Variants in FGF1 observed in about 807,000 individuals in gnomAD.
FGF1 encodes fibroblast growth factor 1.
A neutral mutation model predicts 13.4 loss-of-function variants in FGF1; 9 were observed. The observed-to-expected ratio is 0.67, with a 90% CI of 0.40 to 1.17. FGF1 has a LOEUF of 1.17. Ranked by LOEUF, FGF1 falls within the 50% of genes most tolerant of loss-of-function variation. The pLI is 0.01. For missense variants in FGF1, 156 were observed against 192.7 expected, an observed-to-expected ratio of 0.81 and a Z score of 1.13; for synonymous variants, 93 against 79.0, an observed-to-expected ratio of 1.18 and a Z score of -0.94.
chr5:142,660,930 GC>G (rs1769106627), intron 1 of FGF1, among the ~76,000 whole-genome samples: 1 of 152,252 alleles, frequency 6.6e-6, no homozygotes, highest in East Asian at 1.9e-4. Flanking sequence ...CTGGCTCCAG[GC>G]AACAGGACTC....
intron 1 of FGF1, among the ~76,000 whole-genome samples, chr5:142,660,777 A>G (rs1403593233): frequency 6.6e-6 from 1 of 152,110 alleles, no homozygotes; most frequent in South Asian, 2.1e-4. Flanking sequence ...ATCCCCTACC[A>G]TGGTAAAAGA....
At chr5:142,663,249 G>GAC (rs1769620021) in intron 1 of FGF1, among the ~76,000 whole-genome samples, 1 of 138,656 alleles carries the variant, frequency 7.2e-6, no homozygotes, top group African/African-American at 2.5e-5. Context: ...AATCAGGAAA[G>GAC]AAAAAAAAAA....
At chr5:142,616,668 C>T (rs1295809457) in intron 1 of FGF1, among the ~76,000 whole-genome samples, 4 of 152,100 alleles carry the variant, frequency 2.6e-5, no homozygotes, top group African/African-American at 9.7e-5. Context: ...CTTCCTGTCT[C>T]TCCACTCACT....
chr5:142,615,220 C>T (rs1759968868), intron 1 of FGF1, among the ~76,000 whole-genome samples: 1 of 151,556 alleles, frequency 6.6e-6, no homozygotes, highest in Non-Finnish European at 1.5e-5. Flanking sequence ...GTGTGAACTG[C>T]ACTTTTTTTT....
At chr5:142,645,045 G>A (rs1160808894) in intron 1 of FGF1, among the ~76,000 whole-genome samples, 1 of 151,988 alleles carries the variant, frequency 6.6e-6, no homozygotes, top group African/African-American at 2.4e-5. Flanking sequence ...GTGCATTGTG[G>A]GCAGCGTCTT....
At chr5:142,647,597 C>G (rs1434219895) in intron 1 of FGF1, among the ~76,000 whole-genome samples, 1 of 152,120 alleles carries the variant, frequency 6.6e-6, no homozygotes, top group Admixed American at 6.5e-5. Flanking sequence ...AGATGGGACC[C>G]AAATCTAAAT....
upstream of FGF1, among the ~76,000 whole-genome samples, chr5:142,687,407 T>C (rs1337702854): frequency 6.6e-6 from 1 of 152,156 alleles, no homozygotes; most frequent in African/African-American, 2.4e-5. Context: ...GGCTCAATCA[T>C]CACAGAACTC....
At chr5:142,687,665 T>G (rs1751472275), upstream of FGF1, among the ~76,000 whole-genome samples, 2 of 152,246 alleles carry the variant, frequency 1.3e-5, no homozygotes, top group South Asian at 4.1e-4. Flanking sequence ...ATGCTAGATG[T>G]AGTATGCATG....
intron 1 of FGF1, among the ~76,000 whole-genome samples, chr5:142,647,399 G>A (rs34918007): frequency 0.24 from 36,167 of 152,012 alleles, 4,858 homozygotes; most frequent in African/African-American, 0.36. Flanking sequence ...CCCTTCTGTT[G>A]AGCTGCTATA....
At chr5:142,686,473 A>G (rs1234734566), upstream of FGF1, 1 of 152,140 alleles carries the variant, frequency 6.6e-6, no homozygotes, top group Non-Finnish European at 1.5e-5. Flanking sequence ...CTTGGGGCAA[A>G]TGTGTGAGCC....
chr5:142,644,729 C>T (rs1339370243), intron 1 of FGF1, among the ~76,000 whole-genome samples: 1 of 152,174 alleles, frequency 6.6e-6, no homozygotes, highest in Non-Finnish European at 1.5e-5. Context: ...ATCCCCACAC[C>T]CCCAGACTGT....
intron 1 of FGF1, among the ~76,000 whole-genome samples, chr5:142,675,485 A>G (rs1221569458): frequency 6.6e-6 from 1 of 152,160 alleles, no homozygotes; most frequent in African/African-American, 2.4e-5. Flanking sequence ...CCTCGAAAAC[A>G]TTGATCACCA....
At chr5:142,695,768 C>T (rs536536200) in intron 2 of FGF1, among the ~76,000 whole-genome samples, 70 of 151,754 alleles carry the variant, frequency 4.6e-4, no homozygotes, top group African/African-American at 1.5e-3. Flanking sequence ...TTAATTTTCC[C>T]GCAAGAATGG....
Position 142,595,431 on chromosome 5 carries a change from G to A in FGF1, c.327C>T (p.Tyr109=). Residue 109 remains tyrosine, a synonymous_variant, in exon 4 of 4, where the codon TAC becomes TAT. Transcript: ENST00000337706. The part of the protein sequence containing the change: ...LFLERLEENH[Y]NTYISKKHAE... The stretch of plus-strand genomic sequence containing the variant: ...CATGCTTCTTGGATATATAGGTGTT[G>A]TAATGGTTCTCCTCCAGCCTTTCCA... The A allele has an allele frequency of 1.2e-6, 2 of 1,614,064 alleles. No individual in the cohort carries two copies. Among genetic ancestry groups the A allele is most frequent in the Non-Finnish European group, 1.7e-6 (2 of 1,179,920 alleles).
At chr5:142,639,917 G>A (rs889194118) in intron 1 of FGF1, among the ~76,000 whole-genome samples, 2 of 151,910 alleles carry the variant, frequency 1.3e-5, no homozygotes, top group South Asian at 4.1e-4. Context: ...GATGGTGGGA[G>A]GGATAAATGA....
intron 1 of FGF1, among the ~76,000 whole-genome samples, chr5:142,666,902 A>G (rs940638431): frequency 1.3e-5 from 2 of 152,054 alleles, no homozygotes; most frequent in African/African-American, 4.8e-5. Context: ...GTGCCACTGC[A>G]GTGAGGCCTT....
At chr5:142,648,689 C>CAA (rs11451715) in intron 1 of FGF1, among the ~76,000 whole-genome samples, 2,920 of 66,144 alleles carry the variant, frequency 0.044, 71 homozygotes, top group East Asian at 0.11. Flanking sequence ...CCCCACCAAC[C>CAA]AAAAAAAAAA....
At chr5:142,671,389 T>G (rs907761514) in intron 1 of FGF1, among the ~76,000 whole-genome samples, 9 of 152,250 alleles carry the variant, frequency 5.9e-5, no homozygotes, top group South Asian at 2.1e-4. Flanking sequence ...TAAACAGTCC[T>G]GCTTTATTTC....
At position 142,640,955 on chromosome 5, in the gene FGF1, G is replaced by A. The variant is rs559139403; in HGVS notation, c.-34-26794C>T. Among the ~76,000 whole-genome samples, 113 of 152,080 alleles carry A rather than the reference G, an allele frequency of 7.4e-4. 1 individual carries two copies. Among genetic ancestry groups the A allele is most frequent in the African/African-American group, 1.9e-3 (79 of 41,360 alleles). On this transcript the variant is annotated intron_variant, in intron 1 of 3. Transcript: ENST00000337706. The stretch of plus-strand genomic sequence containing the variant: ...CTCTCCATATACTTAGTAGATGCTC[G>A]GTGAATATCTGTTGGTGTTTATTCA...
Sources: gnomAD v4.1 joint callset for allele counts (sites outside exome capture counted in the v4.1 genomes callset) on GRCh38, gnomAD v4.1.1 for gene constraint, MANE v1.5 for transcripts, NCBI Gene and HGNC (gene_info 2026-07-23, HGNC 2026-07-21) for gene names.